RAP1GAP2: variants seen among roughly 807,000 people sequenced by gnomAD.
RAP1GAP2 encodes RAP1 GTPase activating protein 2.
A neutral mutation model predicts 95.0 loss-of-function variants in RAP1GAP2; 27 were observed. The ratio of observed to expected loss-of-function variants is 0.28; its 90% confidence interval spans 0.21 to 0.39. The LOEUF is 0.39. Among genes scored for constraint, RAP1GAP2 ranks in the 10% least tolerant of loss-of-function variants. The pLI is 1.00. For synonymous variants in RAP1GAP2, 373 were observed against 380.9 expected, an observed-to-expected ratio of 0.98 and a Z score of 0.24; for missense variants, 771 against 970.0, an observed-to-expected ratio of 0.79 and a Z score of 2.72.
intron 2 of RAP1GAP2, among the ~76,000 whole-genome samples, chr17:2,820,899 T>G (rs1357449391): frequency 6.1e-5 from 9 of 147,114 alleles, no homozygotes; most frequent in Admixed American, 4.2e-4. Flanking sequence ...ATGGTTTTTT[T>G]TTTTTTTTTT....
chr17:2,835,907 C>T (rs1451591020), intron 2 of RAP1GAP2, among the ~76,000 whole-genome samples: 1 of 152,182 alleles, frequency 6.6e-6, no homozygotes, highest in Non-Finnish European at 1.5e-5. Flanking sequence ...AAGGGAGACA[C>T]TCCTGTTTTA....
intron 2 of RAP1GAP2, among the ~76,000 whole-genome samples, chr17:2,829,104 T>C (rs1260086274): frequency 6.7e-6 from 1 of 148,560 alleles, no homozygotes; most frequent in Non-Finnish European, 1.5e-5. Context: ...TGCCTCAGCC[T>C]TCTGAGTAGC....
chr17:2,798,202 G>T (rs988227081), intron 1 of RAP1GAP2, among the ~76,000 whole-genome samples: 2 of 152,162 alleles, frequency 1.3e-5, no homozygotes, highest in African/African-American at 4.8e-5. Context: ...GGAGGTCTAG[G>T]GTGAGCCGAA....
intron 8 of RAP1GAP2, among the ~76,000 whole-genome samples, chr17:2,974,304 G>A (rs180902316): frequency 3.8e-4 from 57 of 151,778 alleles, no homozygotes; most frequent in African/African-American, 1.3e-3. Context: ...AGCCGAGATA[G>A]CGCCACTGCA....
In RAP1GAP2 at chr17:2,903,120, T is replaced by A. The variant is rs1440473236; in HGVS notation, c.81-2164T>A. Among the ~76,000 whole-genome samples the A allele has an allele frequency of 6.6e-6, 1 of 152,130 alleles. No individual in the cohort carries two copies. The highest frequency in any genetic ancestry group is 1.5e-5 in the Non-Finnish European group (1 of 68,016). ...TCGCCCTATAGCATCTGGTGGGGGC[T>A]TGTTTTACTTCCCCTCCCTGCGTGC... On this transcript the variant is annotated intron_variant, in intron 2 of 24. Coordinates refer to ENST00000254695, the MANE Select transcript of RAP1GAP2 (RefSeq NM_015085.5). This position sits in a 1 kb window ranked among gnomAD's most constrained non-coding sequence, Gnocchi z 4.1.
chr17:3,018,231 G>T, intron 18 of RAP1GAP2, 33 bp downstream of exon 18: 1 of 1,532,798 alleles, frequency 6.5e-7, no homozygotes, highest in East Asian at 2.5e-5. Flanking sequence ...GCGGCAAGTG[G>T]GTCCCAGGGA....
chr17:2,847,623 T>C (rs1487353649), intron 2 of RAP1GAP2, among the ~76,000 whole-genome samples: 5 of 152,146 alleles, frequency 3.3e-5, no homozygotes, highest in Admixed American at 3.3e-4. Flanking sequence ...TGCTAAGCAA[T>C]GTTGCTAATA....
At chr17:2,853,998 G>A (rs2072016134) in intron 2 of RAP1GAP2, 1 of 984,580 alleles carries the variant, frequency 1.0e-6, no homozygotes, top group African/African-American at 1.7e-5. Flanking sequence ...GCCTCGCCAT[G>A]TCCCAGCCCG....
Position 2,994,060 on chromosome 17 carries a change from C to T in RAP1GAP2, c.915-1277C>T, listed in dbSNP as rs145694246. ...ACCCCTGACTGAAACCAAAACTAAA[C>T]GTGGGCCTTAGAATAGCTGAAATAC... On this transcript the variant is annotated intron_variant, in intron 12 of 24. Transcript: ENST00000254695. Among the ~76,000 whole-genome samples, 395 of 152,208 alleles carry T rather than the reference C, an allele frequency of 2.6e-3. 1 individual carries two copies. The highest frequency in any genetic ancestry group is 8.9e-3 in the African/African-American group (370 of 41,534).
intron 2 of RAP1GAP2, among the ~76,000 whole-genome samples, chr17:2,843,372 ACCT>A (rs1038218250): frequency 6.7e-6 from 1 of 148,270 alleles, no homozygotes; most frequent in African/African-American, 2.5e-5. Context: ...GGCAACCTCC[ACCT>A]CCTGGGTTCA....
chr17:3,023,996 T>C (rs905949211), intron 19 of RAP1GAP2, among the ~76,000 whole-genome samples: 2 of 152,204 alleles, frequency 1.3e-5, no homozygotes, highest in Non-Finnish European at 2.9e-5. Flanking sequence ...CATTCTTTTT[T>C]ATGGCTGCAT....
chr17:2,998,174 C>T (rs2046030346), intron 13 of RAP1GAP2, 47 bp from the exon 14 acceptor site: 2 of 1,580,182 alleles, frequency 1.3e-6, no homozygotes, highest in African/African-American at 2.7e-5. Context: ...AAACATCTTT[C>T]ATGATTTTCC....
chr17:2,819,035 T>C (rs1198571896), intron 2 of RAP1GAP2, among the ~76,000 whole-genome samples: 1 of 151,950 alleles, frequency 6.6e-6, no homozygotes, highest in Admixed American at 6.6e-5. Flanking sequence ...TTTTTTTTTT[T>C]TGAGACAGAG....
intron 1 of RAP1GAP2, chr17:2,800,270 G>T: frequency 1.0e-6 from 1 of 964,670 alleles, no homozygotes; most frequent in Non-Finnish European, 1.2e-6. Context: ...CTGAGCCTGG[G>T]TTTCCTCATC....
intron 17 of RAP1GAP2, among the ~76,000 whole-genome samples, chr17:3,014,581 G>A (rs1055168618): frequency 2.9e-5 from 4 of 137,420 alleles, no homozygotes; most frequent in Admixed American, 7.9e-5. Context: ...AGACAGTCTC[G>A]TTCTGTCACC....
At chr17:2,924,838 C>G (rs548586759) in intron 3 of RAP1GAP2, among the ~76,000 whole-genome samples, 2 of 152,308 alleles carry the variant, frequency 1.3e-5, no homozygotes, top group East Asian at 3.9e-4. Context: ...GGGTTTGAGA[C>G]CTTCGCCAGA....
intron 1 of RAP1GAP2, among the ~76,000 whole-genome samples, chr17:2,788,971 T>C (rs933530332): frequency 1.3e-5 from 2 of 152,220 alleles, no homozygotes; most frequent in Non-Finnish European, 2.9e-5. Context: ...CCCAGTCAAA[T>C]TGACACATAA....
At position 2,821,845 on chromosome 17, in the gene RAP1GAP2, T is replaced by C. The variant is rs189355009; in HGVS notation, c.80+21295T>C. 1.2e-4 allele frequency among the ~76,000 whole-genome samples: 19 copies of C among 152,264 alleles called. No homozygotes were observed. The East Asian group carries it at 3.5e-3, about 28-fold the overall frequency. On this transcript the variant is annotated intron_variant, in intron 2 of 24. Transcript: ENST00000254695. ...TTTTCATCATCCCAGAAAGTTCTAC[T>C]GTACAGCGCTGGTTGAGAATGAGGT...
intron 3 of RAP1GAP2, among the ~76,000 whole-genome samples, chr17:2,908,231 C>T (rs552254052): frequency 6.6e-6 from 1 of 152,224 alleles, no homozygotes; most frequent in East Asian, 1.9e-4. Flanking sequence ...CAAGAGGAAC[C>T]GGAGGGAGAT....
Sources: allele counts gnomAD v4.1 joint callset (sites outside exome capture counted in the v4.1 genomes callset), GRCh38; gene constraint gnomAD v4.1.1; non-coding constraint Gnocchi (gnomAD v3.1); transcripts MANE v1.5; gene names NCBI Gene and HGNC (gene_info 2026-07-23, HGNC 2026-07-21).